PPME1: variants seen among roughly 807,000 people sequenced by gnomAD.
PPME1 encodes protein phosphatase methylesterase 1.
PPME1 carries 17 observed loss-of-function variants against 56.9 expected under a neutral mutation model. The observed-to-expected ratio is 0.30, with a 90% confidence interval of 0.20 to 0.45. PPME1 has a LOEUF of 0.45. Among genes scored for constraint, PPME1 ranks in the 20% least tolerant of loss-of-function variants. The probability of loss-of-function intolerance (pLI) is 1.00; values close to 1 mark genes in which losing one functional copy is unlikely to be tolerated. For missense variants in PPME1, 357 were observed against 483.2 expected, an observed-to-expected ratio of 0.74 and a Z score of 2.45; for synonymous variants, 122 against 156.2, an observed-to-expected ratio of 0.78 and a Z score of 1.63.
chr11:74,237,240 G>C (rs775025978), intron 8 of PPME1, among the ~76,000 whole-genome samples: 2 of 149,722 alleles, frequency 1.3e-5, no homozygotes, highest in African/African-American at 5.0e-5. Context: ...GTGATGTTGC[G>C]TACTGCCATC....
intron 3 of PPME1, among the ~76,000 whole-genome samples, chr11:74,208,079 C>T (rs760916909): frequency 5.3e-5 from 8 of 152,024 alleles, no homozygotes; most frequent in South Asian, 2.1e-4. Context: ...TTTGGGAGGC[C>T]GAAGCGGGCA....
At chr11:74,222,456 G>A (rs2135649141) in intron 4 of PPME1, 87 bp downstream of exon 4, 4 of 1,180,500 alleles carry the variant, frequency 3.4e-6, no homozygotes, top group Middle Eastern at 1.9e-4. Flanking sequence ...TTTCAACGTG[G>A]CCATAAAATA....
intron 1 of PPME1, among the ~76,000 whole-genome samples, chr11:74,173,611 G>A (rs1202346109): frequency 2.6e-5 from 4 of 151,888 alleles, no homozygotes; most frequent in Non-Finnish European, 5.9e-5. Flanking sequence ...GCACAATCTC[G>A]GCTCACTGCA....
intron 1 of PPME1, among the ~76,000 whole-genome samples, chr11:74,180,598 TG>T (rs1314127452): frequency 6.6e-6 from 1 of 152,252 alleles, no homozygotes; most frequent in Non-Finnish European, 1.5e-5. Context: ...AATAATTATA[TG>T]GTCGAAACTC....
chr11:74,173,154 T>C (rs1392768287), intron 1 of PPME1, among the ~76,000 whole-genome samples: 1 of 152,170 alleles, frequency 6.6e-6, no homozygotes, highest in Middle Eastern at 3.2e-3. Context: ...TTGTTTTGGC[T>C]TTGGAAGACA....
At chr11:74,238,083 C>T (rs1173852108) in intron 8 of PPME1, 1 of 152,046 alleles carries the variant, frequency 6.6e-6, no homozygotes, top group Admixed American at 6.6e-5. Flanking sequence ...TGGAACTTTC[C>T]TGCCCCTTAT....
At chr11:74,251,195 T>G (rs1859650162) in intron 12 of PPME1, 177 bp downstream of exon 12, 2 of 1,449,680 alleles carry the variant, frequency 1.4e-6, no homozygotes, top group Non-Finnish European at 9.1e-7. Context: ...TGGTATTGGT[T>G]TTGTGTATAT....
At chr11:74,217,041 A>G (rs1298985550) in intron 3 of PPME1, among the ~76,000 whole-genome samples, 1 of 152,198 alleles carries the variant, frequency 6.6e-6, no homozygotes, top group Non-Finnish European at 1.5e-5. Context: ...CCAAACATTT[A>G]AAAAAGAAAT....
intron 13 of PPME1, among the ~76,000 whole-genome samples, chr11:74,252,703 G>A (rs1408032770): frequency 6.6e-6 from 1 of 152,140 alleles, no homozygotes; most frequent in African/African-American, 2.4e-5. Flanking sequence ...ACACGGTTTT[G>A]ACAAACAGAA....
At chr11:74,233,764 G>C (rs1010682285) in intron 7 of PPME1, among the ~76,000 whole-genome samples, 1 of 152,210 alleles carries the variant, frequency 6.6e-6, no homozygotes, top group African/African-American at 2.4e-5. Flanking sequence ...CAAGGTTATA[G>C]TGAGCTATGA....
chr11:74,211,704 A>G (rs1327268756), intron 3 of PPME1, among the ~76,000 whole-genome samples: 1 of 152,212 alleles, frequency 6.6e-6, no homozygotes, highest in African/African-American at 2.4e-5. Flanking sequence ...TATATGTGCA[A>G]AACAAACTAT....
rs962687227 is a variant in PPME1, at chr11:74,230,318, G to T, written c.472G>T (p.Gly158Cys). The change falls in exon 6 of 14, where the codon GGT becomes TGT. Residue 158 changes from glycine to cysteine, a missense_variant. This residue lies in a region of PPME1 where 182 missense variants were observed against 293.8 expected (regional missense o/e 0.62). Coordinates refer to ENST00000328257, the MANE Select transcript of PPME1 (RefSeq NM_016147.3). This position sits in a 1 kb window ranked among gnomAD's most constrained non-coding sequence, Gnocchi z 4.9. ...AATTATGCTGATTGGACATAGCATG[G>T]GTGGTGCTATTGCAGTCCACACAGC... is the stretch of plus-strand genomic sequence containing the variant. ...PPIMLIGHSM[G>C]GAIAVHTASS... 1 of 1,613,488 alleles carries T rather than the reference G, an allele frequency of 6.2e-7. No homozygotes were observed. The highest frequency in any genetic ancestry group is 1.3e-5 in the African/African-American group (1 of 74,890).
intron 3 of PPME1, among the ~76,000 whole-genome samples, chr11:74,218,885 A>C (rs1270135396): frequency 6.6e-6 from 1 of 152,168 alleles, no homozygotes; most frequent in Non-Finnish European, 1.5e-5. Context: ...AAAATGGACA[A>C]ATGGGATCAT....
chr11:74,235,857 T>C, intron 7 of PPME1, 44 bp from the exon 8 acceptor site: 2 of 1,578,936 alleles, frequency 1.3e-6, no homozygotes, highest in Middle Eastern at 3.3e-4. Flanking sequence ...TGTGATACAA[T>C]AGATACTGAA....
At chr11:74,248,650 T>C (rs1859570985) in intron 11 of PPME1, 1 of 152,168 alleles carries the variant, frequency 6.6e-6, no homozygotes, top group South Asian at 2.1e-4. Flanking sequence ...TAGACACTTA[T>C]TTAAGTAGAT....
chr11:74,173,418 A>T (rs1591007007), intron 1 of PPME1, among the ~76,000 whole-genome samples: 1 of 152,194 alleles, frequency 6.6e-6, no homozygotes, highest in Admixed American at 6.5e-5. Context: ...CTCATCTTGG[A>T]GAAACAAGTT....
At chr11:74,227,013 T>G (rs1858948238) in intron 5 of PPME1, among the ~76,000 whole-genome samples, 1 of 152,146 alleles carries the variant, frequency 6.6e-6, no homozygotes, top group Non-Finnish European at 1.5e-5. Context: ...AAATCTGCCC[T>G]TTTGGAACCT....
rs1565382213 is a variant in PPME1, at chr11:74,203,580, T to TTTATTTGTGATGATATACTTTGTG, written c.102-148_102-147insTTATTTGTGATGATATACTTTGTG. 12 of 481,436 alleles carry TTTATTTGTGATGATATACTTTGTG rather than the reference T, an allele frequency of 2.5e-5. No individual in the cohort carries two copies. In the East Asian group the frequency reaches 3.9e-4, roughly 15 times the overall value. The allele number at this position is 481,436 out of a possible 1,614,324, so 29.8% of individuals were successfully genotyped here. ...TACAATACATTAAATACATTTTTAA[T>TTTATTTGTGATGATATACTTTGTG]ATGATACTTTGTGATGAACTCTTTA... is the stretch of plus-strand genomic sequence containing the variant. On this transcript the variant is annotated intron_variant, in intron 1 of 13. Coordinates refer to ENST00000328257, the MANE Select transcript of PPME1 (RefSeq NM_016147.3).
chr11:74,173,046 A>G (rs1220045973), intron 1 of PPME1, among the ~76,000 whole-genome samples: 1 of 152,208 alleles, frequency 6.6e-6, no homozygotes, highest in African/African-American at 2.4e-5. Flanking sequence ...GAGACCTGCT[A>G]TGATACGCAG....
Sources: gnomAD v4.1 joint callset for allele counts (sites outside exome capture counted in the v4.1 genomes callset) on GRCh38, gnomAD v4.1.1 for gene constraint, gnomAD v4.1.1 regional missense constraint, Gnocchi (gnomAD v3.1) non-coding constraint, MANE v1.5 for transcripts, NCBI Gene and HGNC (gene_info 2026-07-23, HGNC 2026-07-21) for gene names.